KIAA1328: variants seen among roughly 807,000 people sequenced by gnomAD.
KIAA1328 encodes the protein protein hinderin.
KIAA1328 carries 52 observed loss-of-function variants against 68.1 expected under a neutral mutation model. The ratio of observed to expected loss-of-function variants is 0.76; its 90% CI spans 0.61 to 0.96. The LOEUF (loss-of-function observed/expected upper bound fraction) is 0.96, where lower values mean the gene tolerates loss of function less well. Ranked by LOEUF, KIAA1328 falls within the 40% of genes least tolerant of loss-of-function variation. The pLI, the probability that KIAA1328 is intolerant of heterozygous loss-of-function variation, is 0.00. For missense variants in KIAA1328, 641 were observed against 677.6 expected, an observed-to-expected ratio of 0.95 and a Z score of 0.60; for synonymous variants, 232 against 239.4, an observed-to-expected ratio of 0.97 and a Z score of 0.28.
At chr18:36,978,376 T>G (rs1055858247) in intron 6 of KIAA1328, among the ~76,000 whole-genome samples, 2 of 152,174 alleles carry the variant, frequency 1.3e-5, no homozygotes, top group African/African-American at 4.8e-5. Context: ...TTGTATAAAC[T>G]GGTTAGGCAT....
intron 7 of KIAA1328, among the ~76,000 whole-genome samples, chr18:37,079,653 C>G (rs1422009532): frequency 6.6e-6 from 1 of 151,820 alleles, no homozygotes; most frequent in African/African-American, 2.4e-5. Flanking sequence ...CTTTGGGAGG[C>G]CGAGGTGGTG....
At chr18:36,900,849 G>A (rs2049013180) in intron 5 of KIAA1328, among the ~76,000 whole-genome samples, 1 of 151,814 alleles carries the variant, frequency 6.6e-6, no homozygotes, top group Admixed American at 6.6e-5. Context: ...ATACAAATCA[G>A]GGATGCTTTT....
At chr18:37,180,056 AGCC>A (rs2059668896) in intron 9 of KIAA1328, among the ~76,000 whole-genome samples, 2 of 117,244 alleles carry the variant, frequency 1.7e-5, no homozygotes, top group African/African-American at 7.4e-5. Context: ...GGGATTCAAA[AGCC>A]ACACACACAC....
At chr18:37,210,161 T>C (rs1599603637) in intron 9 of KIAA1328, among the ~76,000 whole-genome samples, 2 of 152,216 alleles carry the variant, frequency 1.3e-5, no homozygotes, top group East Asian at 3.9e-4. Context: ...TTCTAGGCCA[T>C]GTGCTAATGT....
chr18:36,956,116 G>A (rs2051403680), intron 5 of KIAA1328, among the ~76,000 whole-genome samples: 1 of 152,112 alleles, frequency 6.6e-6, no homozygotes, highest in African/African-American at 2.4e-5. Flanking sequence ...GCATTTTAGT[G>A]TTAAGATTTT....
At chr18:37,072,671 G>A (rs951733719) in intron 7 of KIAA1328, among the ~76,000 whole-genome samples, 3 of 151,818 alleles carry the variant, frequency 2.0e-5, no homozygotes, top group East Asian at 1.9e-4. Flanking sequence ...TTTAAGTTCC[G>A]GGATACCTGT....
At chr18:37,209,547 A>G (rs905338951) in intron 9 of KIAA1328, among the ~76,000 whole-genome samples, 4 of 152,096 alleles carry the variant, frequency 2.6e-5, no homozygotes, top group Admixed American at 1.3e-4. Flanking sequence ...ATTGATGGCT[A>G]TTTTGGATGG....
intron 9 of KIAA1328, among the ~76,000 whole-genome samples, chr18:37,206,962 T>C (rs995227555): frequency 1.3e-5 from 2 of 152,176 alleles, no homozygotes; most frequent in Non-Finnish European, 2.9e-5. Context: ...AAGCTACATT[T>C]TTAGAAAAGA....
At chr18:36,914,919 A>C (rs2049624401) in intron 5 of KIAA1328, among the ~76,000 whole-genome samples, 1 of 152,184 alleles carries the variant, frequency 6.6e-6, no homozygotes, top group Non-Finnish European at 1.5e-5. Context: ...AGAAATGAAC[A>C]GATTGACTAC....
chr18:36,917,352 G>T (rs1025499326), intron 5 of KIAA1328, among the ~76,000 whole-genome samples: 3 of 151,944 alleles, frequency 2.0e-5, no homozygotes, highest in Non-Finnish European at 4.4e-5. Flanking sequence ...CAAGTATCTG[G>T]GACTACAGCT....
chr18:36,926,990 C>G (rs1406127899), intron 5 of KIAA1328, among the ~76,000 whole-genome samples: 1 of 152,128 alleles, frequency 6.6e-6, no homozygotes, highest in East Asian at 1.9e-4. Context: ...AGGTCCCAAA[C>G]TCTTTTAAAC....
At chr18:36,854,478 T>C (rs534510432) in intron 4 of KIAA1328, among the ~76,000 whole-genome samples, 1 of 152,326 alleles carries the variant, frequency 6.6e-6, no homozygotes, top group African/African-American at 2.4e-5. Flanking sequence ...TCTAGTTACC[T>C]TTACCAGTTT....
At chr18:37,008,985 C>T (rs1386279379) in intron 6 of KIAA1328, among the ~76,000 whole-genome samples, 2 of 152,116 alleles carry the variant, frequency 1.3e-5, no homozygotes, top group African/African-American at 4.8e-5. Context: ...ATTACATAAA[C>T]AGAACTAGGA....
intron 9 of KIAA1328, among the ~76,000 whole-genome samples, chr18:37,189,495 C>T (rs897031488): frequency 6.6e-6 from 1 of 152,126 alleles, no homozygotes; most frequent in African/African-American, 2.4e-5. Flanking sequence ...ATACCATAAG[C>T]TATTTAACAT....
chr18:37,136,682 G>T (rs1195794171), intron 7 of KIAA1328, among the ~76,000 whole-genome samples: 1 of 152,218 alleles, frequency 6.6e-6, no homozygotes. Context: ...AACTAATCAT[G>T]TAGTGGACAA....
intron 5 of KIAA1328, among the ~76,000 whole-genome samples, chr18:36,955,372 T>C (rs767532311): frequency 1.1e-3 from 172 of 149,742 alleles, no homozygotes; most frequent in Non-Finnish European, 1.8e-3. Flanking sequence ...GTGCAGTGAG[T>C]GATCTCGGCT....
At chr18:37,031,150 C>A (rs1286646461) in intron 6 of KIAA1328, among the ~76,000 whole-genome samples, 1 of 152,138 alleles carries the variant, frequency 6.6e-6, no homozygotes, top group East Asian at 1.9e-4. Context: ...CATATGTGTG[C>A]ATGTGTCTTT....
At chr18:36,887,591 C>T (rs1281950963) in intron 5 of KIAA1328, among the ~76,000 whole-genome samples, 1 of 152,134 alleles carries the variant, frequency 6.6e-6, no homozygotes, top group Non-Finnish European at 1.5e-5. Context: ...AGAGCACTCC[C>T]TACTCCCCAC....
chr18:37,120,510 A>T (rs2058242338), intron 7 of KIAA1328, among the ~76,000 whole-genome samples: 1 of 152,192 alleles, frequency 6.6e-6, no homozygotes, highest in African/African-American at 2.4e-5. Context: ...TGATAAAAAG[A>T]TTACATAATC....
Sources: gnomAD v4.1 joint callset for allele counts (sites outside exome capture counted in the v4.1 genomes callset) on GRCh38, gnomAD v4.1.1 for gene constraint, MANE v1.5 for transcripts, NCBI Gene and HGNC (gene_info 2026-07-23, HGNC 2026-07-21) for gene names.